ROBO1: variants seen among roughly 807,000 people sequenced by gnomAD.
The protein encoded by ROBO1 is roundabout homolog 1.
In ROBO1, 149 loss-of-function variants were observed where a neutral mutation model predicts 195.9. The ratio of observed to expected loss-of-function variants is 0.76; its 90% CI spans 0.67 to 0.87. The LOEUF (loss-of-function observed/expected upper bound fraction) is 0.87, where lower values mean the gene tolerates loss of function less well. Ranked by LOEUF, ROBO1 falls within the 40% of genes least tolerant of loss-of-function variation. The probability of loss-of-function intolerance (pLI) is 0.00; values close to 1 mark genes in which losing one functional copy is unlikely to be tolerated. For synonymous variants in ROBO1, 816 were observed against 733.2 expected (o/e 1.11, Z -1.82); for missense variants, 1,933 against 2,068.3 (o/e 0.93, Z 1.27).
At chr3:79,059,113 G>A (rs1008299399) in intron 3 of ROBO1, among the ~76,000 whole-genome samples, 11 of 152,120 alleles carry the variant, frequency 7.2e-5, no homozygotes, top group Non-Finnish European at 1.5e-4. Flanking sequence ...CAAATGCAGT[G>A]TGATTGGAAT....
At chr3:78,785,134 G>A (rs899203845) in intron 4 of ROBO1, among the ~76,000 whole-genome samples, 1 of 152,146 alleles carries the variant, frequency 6.6e-6, no homozygotes, top group East Asian at 1.9e-4. Context: ...GAGTGCTTTT[G>A]CATCAACTGC....
chr3:78,793,302 A>G lies in ROBO1; in HGVS notation c.500-46402T>C, dbSNP rs139519662. ...TTTAATTCCTTGTTTTTAACAAAGA[A>G]TGCATAGCAGAATCTCCTGCAGAAT... On this transcript the variant is annotated intron_variant, in intron 4 of 30. Transcript: ENST00000464233. Among the ~76,000 whole-genome samples the G allele has an allele frequency of 2.9e-3, 437 of 152,296 alleles. 3 individuals are homozygous for G. The highest frequency in any genetic ancestry group is 9.9e-3 in the African/African-American group (412 of 41,564).
chr3:78,678,434 T>G (rs1187848898), intron 10 of ROBO1, among the ~76,000 whole-genome samples: 1 of 151,986 alleles, frequency 6.6e-6, no homozygotes, highest in Non-Finnish European at 1.5e-5. Context: ...CTAGCAAGAC[T>G]AATAAAGAGG....
At chr3:79,423,039 G>A (rs574922715) in intron 2 of ROBO1, among the ~76,000 whole-genome samples, 11 of 152,144 alleles carry the variant, frequency 7.2e-5, no homozygotes, top group East Asian at 1.9e-4. Context: ...CTGCTCAAAC[G>A]TCTGATATAT....
chr3:79,182,570 T>TGC (rs1553696461), intron 2 of ROBO1, among the ~76,000 whole-genome samples: 18 of 150,030 alleles, frequency 1.2e-4, no homozygotes, highest in African/African-American at 3.0e-4. Flanking sequence ...TGTGTGTGTG[T>TGC]GCGTGCGTGC....
chr3:79,355,774 GTA>G (rs750824202), intron 2 of ROBO1, among the ~76,000 whole-genome samples: 13 of 152,026 alleles, frequency 8.6e-5, no homozygotes, highest in Non-Finnish European at 1.5e-4. Flanking sequence ...GTTCCATTAT[GTA>G]TATATACATC....
rs1420857711 is a variant in ROBO1 at position 78,606,828 on chromosome 3, G to A, written c.4649C>T (p.Pro1550Leu). 3 of 1,613,692 alleles carry A rather than the reference G, an allele frequency of 1.9e-6. No individual in the cohort carries two copies. The highest frequency in any genetic ancestry group is 1.7e-4 in the Middle Eastern group (1 of 6,060). ...VVDMRTNPGD[P>L]REAQEQQNDG... ...ATTTTGCTGTTCCTGTGCTTCTCTG[G>A]GATCACCTGGATTTGTTCGCATGTC... The change falls in exon 29 of 31, where the codon CCC (proline) becomes CTC (leucine). Residue 1550 changes from proline to leucine, a missense_variant. Transcript: ENST00000464233.
chr3:78,928,928 T>C (rs147481938), intron 4 of ROBO1, among the ~76,000 whole-genome samples: 1 of 152,186 alleles, frequency 6.6e-6, no homozygotes, highest in Non-Finnish European at 1.5e-5. Flanking sequence ...CAGTATTACC[T>C]GGTAAATATG....
At position 79,208,634 on chromosome 3, in the gene ROBO1, G is replaced by C. The variant is rs139228311; in HGVS notation, c.89-83095C>G. ...GCTAAAAGCAAAAGTGAACATGTAA[G>C]CAAGGGTTTGCAAGAAAGTTAATAT... On this transcript the variant is annotated intron_variant, in intron 2 of 30. Transcript: ENST00000464233. Among the ~76,000 whole-genome samples, 962 of 152,102 alleles carry C rather than the reference G, an allele frequency of 6.3e-3. 13 individuals are homozygous for C. The highest frequency in any genetic ancestry group is 7.1e-3 in the Non-Finnish European group (480 of 67,980).
chr3:79,382,344 T>C (rs867599699), intron 2 of ROBO1, among the ~76,000 whole-genome samples: 1 of 152,106 alleles, frequency 6.6e-6, no homozygotes, highest in Admixed American at 6.6e-5. Context: ...AGTGATGAAG[T>C]TATAATGAAG....
intron 3 of ROBO1, among the ~76,000 whole-genome samples, chr3:78,944,064 T>C (rs1243214949): frequency 6.6e-6 from 1 of 152,174 alleles, no homozygotes; most frequent in Non-Finnish European, 1.5e-5. Context: ...TTATCCACCA[T>C]CTTCTGTATT....
chr3:78,951,387 T>C (rs377186652), intron 3 of ROBO1, among the ~76,000 whole-genome samples: 39 of 152,296 alleles, frequency 2.6e-4, no homozygotes, highest in African/African-American at 8.4e-4. Context: ...ACCATCATTC[T>C]AGTTATGTGA....
intron 4 of ROBO1, among the ~76,000 whole-genome samples, chr3:78,780,573 G>A (rs947812904): frequency 6.6e-6 from 1 of 151,754 alleles, no homozygotes; most frequent in African/African-American, 2.4e-5. Context: ...TAATTTTAAC[G>A]TTGAGACAGA....
intron 2 of ROBO1, among the ~76,000 whole-genome samples, chr3:79,468,219 A>G (rs944386701): frequency 4.6e-5 from 7 of 152,232 alleles, no homozygotes; most frequent in African/African-American, 1.4e-4. Flanking sequence ...CATAGCCCCA[A>G]TACCTAAAGT....
At chr3:79,624,127 A>G (rs1465112249) in intron 1 of ROBO1, among the ~76,000 whole-genome samples, 1 of 152,076 alleles carries the variant, frequency 6.6e-6, no homozygotes, top group Non-Finnish European at 1.5e-5. Context: ...AAATAAAATC[A>G]TTTCCAGACA....
chr3:79,274,461 G>T (rs1397675970), intron 2 of ROBO1, among the ~76,000 whole-genome samples: 1 of 151,860 alleles, frequency 6.6e-6, no homozygotes, highest in African/African-American at 2.4e-5. Context: ...AATGATAATG[G>T]AAACACAGCA....
intron 8 of ROBO1, among the ~76,000 whole-genome samples, chr3:78,695,798 G>T (rs2107893680): frequency 6.6e-6 from 1 of 151,866 alleles, no homozygotes; most frequent in East Asian, 1.9e-4. Context: ...TGATTATCAA[G>T]AAACCAATCC....
chr3:79,014,581 A>G (rs934051469), intron 3 of ROBO1, among the ~76,000 whole-genome samples: 1 of 152,282 alleles, frequency 6.6e-6, no homozygotes, highest in South Asian at 2.1e-4. Flanking sequence ...ATCCCTGCCT[A>G]TATCTTAAAC....
intron 3 of ROBO1, among the ~76,000 whole-genome samples, chr3:79,105,789 C>A (rs986658455): frequency 6.6e-6 from 1 of 151,650 alleles, no homozygotes; most frequent in Non-Finnish European, 1.5e-5. Context: ...ATGCTATCAG[C>A]CTGAAAGATG....
Sources: gnomAD v4.1 joint callset for allele counts (sites outside exome capture counted in the v4.1 genomes callset) on GRCh38, gnomAD v4.1.1 for gene constraint, MANE v1.5 for transcripts, NCBI Gene and HGNC (gene_info 2026-07-23, HGNC 2026-07-21) for gene names.